The following RNASET2 variants were observed in gnomAD, a reference collection of about 807,000 sequenced individuals.
The protein encoded by RNASET2 is ribonuclease 6.
In RNASET2, 28 loss-of-function variants were observed where a neutral mutation model predicts 33.9. The observed-to-expected ratio is 0.83, with a 90% CI of 0.61 to 1.13. The LOEUF (loss-of-function observed/expected upper bound fraction) is 1.13. Among genes scored for constraint, RNASET2 ranks in the 50% most tolerant of loss-of-function variants. The pLI is 0.00. For synonymous variants in RNASET2, 123 were observed against 121.0 expected (o/e 1.02, Z -0.11); for missense variants, 330 against 319.9 (o/e 1.03, Z -0.24).
chr6:166,949,441 C>A (rs1275030181), intron 2 of RNASET2, among the ~76,000 whole-genome samples: 40 of 130,780 alleles, frequency 3.1e-4, no homozygotes, highest in African/African-American at 1.2e-3. Flanking sequence ...GCAGAGCTTG[C>A]AGTGAGCCGA....
At position 166,933,715 on chromosome 6, in the gene RNASET2, T is replaced by G. The variant is rs536866633; in HGVS notation, c.492+376A>C. The G allele has an allele frequency of 1.6e-5, 4 of 256,286 alleles. No individual in the cohort carries two copies. The South Asian group carries it at 1.7e-4, about 11-fold the overall frequency. 15.9% of individuals were successfully genotyped at this position (256,286 alleles called of 1,614,324 possible). A position where few individuals can be genotyped will look rare whatever the true frequency, so the allele number is the denominator to read the frequency against. On this transcript the variant is annotated intron_variant, in intron 7 of 8. Transcript: ENST00000508775. The surrounding 1 kb of genome is among the most constrained non-coding windows in gnomAD (Gnocchi z 4.1). ...TCTTGTCATGCTTAAATATCTATAGTTTCTTTTATCATAAAACAAATCACA... is the reference window on the plus strand; with the variant it reads ...TCTTGTCATGCTTAAATATCTATAGGTTCTTTTATCATAAAACAAATCACA...
rs1421322324 is a variant in RNASET2 at position 166,927,155 on chromosome 6, G to A, written c.*2433C>T. 6.6e-6 allele frequency among the ~76,000 whole-genome samples: 1 copy of A among 152,182 alleles called. No homozygotes were observed. The highest frequency in any genetic ancestry group is 2.4e-5 in the African/African-American group (1 of 41,424). On this transcript the variant is annotated 3_prime_UTR_variant, in exon 9 of 9. Transcript: ENST00000508775. The stretch of plus-strand genomic sequence containing the variant: ...ATGCACGACCTACTTGTTTAATGAT[G>A]TAAAAACATGTGCTTGGATCTGATC...
chr6:166,955,217 A>ACACACACACG lies in RNASET2; in HGVS notation c.86+879_86+880insCGTGTGTGTG, dbSNP rs1242636792. ...CACACGCACGCACACACGCACGCAC[A>ACACACACACG]CACGCGCACACACGCACGCACGCAC... On this transcript the variant is annotated intron_variant, in intron 1 of 8. Coordinates refer to ENST00000508775, the MANE Select transcript of RNASET2 (RefSeq NM_003730.6). Among the ~76,000 whole-genome samples, 4 of 88,636 alleles carry ACACACACACG rather than the reference A, an allele frequency of 4.5e-5. 1 individual carries two copies. The highest frequency in any genetic ancestry group is 1.9e-4 in the African/African-American group (3 of 15,392). The allele number at this position is 88,636 out of a possible 152,430, so 58.1% of individuals were successfully genotyped here.
In RNASET2 at chr6:166,925,914, G is replaced by A. The variant is rs1778297802; in HGVS notation, c.*3674C>T. On this transcript the variant is annotated 3_prime_UTR_variant, in exon 9 of 9. Coordinates refer to ENST00000508775, the MANE Select transcript of RNASET2 (RefSeq NM_003730.6). ...GGAGGCACTGCCAACAGGGCAGGAG[G>A]GATTGAGGGAATGTCCCTGAGCCGC... is the stretch of plus-strand genomic sequence containing the variant. Among the ~76,000 whole-genome samples, 1 of 152,194 alleles carries A rather than the reference G, an allele frequency of 6.6e-6. No homozygotes were observed. Among genetic ancestry groups the A allele is most frequent in the Non-Finnish European group, 1.5e-5 (1 of 68,044 alleles).
intron 8 of RNASET2, 149 bp downstream of exon 8, chr6:166,930,895 T>TGC: frequency 1.4e-6 from 1 of 714,796 alleles, no homozygotes; most frequent in South Asian, 1.5e-5. Context: ...CACACACACA[T>TGC]GCACACACAC....
rs1382026775 is a variant in RNASET2 at position 166,956,159 on chromosome 6, C to T, written c.24G>A (p.Gly8=). The part of the protein sequence containing the change: MRPAALR[G]ALLGCLCLAL... ...CCAGGCAGAGGCAGCCCAGCAGGGCCCCGCGCAGGGCTGCAGGGCGCATGG... is the reference window on the plus strand; with the variant it reads ...CCAGGCAGAGGCAGCCCAGCAGGGCTCCGCGCAGGGCTGCAGGGCGCATGG... The change falls in exon 1 of 9, where the codon GGG becomes GGA. Residue 8 remains glycine, a synonymous_variant. Transcript: ENST00000508775. The T allele has an allele frequency of 1.9e-5, 29 of 1,550,204 alleles. No individual in the cohort carries two copies. The highest frequency in any genetic ancestry group is 1.5e-4 in the African/African-American group (11 of 73,020).
In RNASET2 at chr6:166,924,447, G is replaced by A. The variant is rs2128642625; in HGVS notation, c.*5141C>T. ...ATTCACTCCATCACTAGAGAACACTGGCTTAGAGCTGATGTGCCTCAGACA... is the reference window on the plus strand; with the variant it reads ...ATTCACTCCATCACTAGAGAACACTAGCTTAGAGCTGATGTGCCTCAGACA... On this transcript the variant is annotated 3_prime_UTR_variant, in exon 9 of 9. Transcript: ENST00000508775. 6.6e-6 allele frequency among the ~76,000 whole-genome samples: 1 copy of A among 152,274 alleles called. No individual in the cohort carries two copies. The highest frequency in any genetic ancestry group is 2.4e-5 in the African/African-American group (1 of 41,548).
intron 4 of RNASET2, 33 bp downstream of exon 4, chr6:166,946,649 C>T: frequency 4.2e-6 from 5 of 1,189,524 alleles, no homozygotes; most frequent in Non-Finnish European, 6.2e-6. Flanking sequence ...TAGGTCAACA[C>T]TCTGCAGTAG....
Position 166,927,230 on chromosome 6 carries a change from C to T in RNASET2, c.*2358G>A, listed in dbSNP as rs1158842565. On this transcript the variant is annotated 3_prime_UTR_variant, in exon 9 of 9. Transcript: ENST00000508775. ...AGTCTTCCCCTTCTGTCTCCTGCGG[C>T]TCATAAGTGCCTTATACTTACATGA... Among the ~76,000 whole-genome samples the T allele has an allele frequency of 6.6e-6, 1 of 152,184 alleles. No homozygotes were observed. Among genetic ancestry groups the T allele is most frequent in the Non-Finnish European group, 1.5e-5 (1 of 68,034 alleles).
At chr6:166,931,317 G>A (rs1243337818) in intron 7 of RNASET2, 199 bp from the exon 8 acceptor site, 2 of 613,514 alleles carry the variant, frequency 3.3e-6, no homozygotes, top group African/African-American at 3.7e-5. Flanking sequence ...TTCATCCCCA[G>A]ACCACAAGCC....
At chr6:166,950,878 T>C (rs895258708) in intron 2 of RNASET2, among the ~76,000 whole-genome samples, 1 of 152,200 alleles carries the variant, frequency 6.6e-6, no homozygotes, top group Non-Finnish European at 1.5e-5. Flanking sequence ...TGGAGGGATG[T>C]AGGGACCAGC....
Position 166,929,749 on chromosome 6 carries a change from T to G in RNASET2, c.610A>C (p.Thr204Pro). The change falls in exon 9 of 9, where the codon ACT becomes CCT. Residue 204 changes from threonine to proline, a missense_variant. By Grantham distance (38) the Thr-to-Pro change is conservative (BLOSUM62 -1). Transcript: ENST00000508775. ...QTIGQIELCL[T>P]KQDQQLQNCT... is the part of the protein sequence containing the mutation. ...TTTTGCAGCTGCTGGTCTTGCTTAGTGAGGCACAGTTCTATCTGACCAATT... is the reference window on the plus strand; with the variant it reads ...TTTTGCAGCTGCTGGTCTTGCTTAGGGAGGCACAGTTCTATCTGACCAATT... The G allele has an allele frequency of 6.2e-7, 1 of 1,614,192 alleles. No homozygotes were observed. The highest frequency in any genetic ancestry group is 8.5e-7 in the Non-Finnish European group (1 of 1,180,030).
At chr6:166,955,903 G>A (rs1450616708) in intron 1 of RNASET2, among the ~76,000 whole-genome samples, 194 bp downstream of exon 1, 1 of 150,434 alleles carries the variant, frequency 6.6e-6, no homozygotes, top group Non-Finnish European at 1.5e-5. Context: ...CCCTCCAGGG[G>A]TCACCCCGAG....
In RNASET2 at chr6:166,923,792, T is replaced by A. The variant is rs1050266248; in HGVS notation, c.*5796A>T. Among the ~76,000 whole-genome samples, 1 of 152,214 alleles carries A rather than the reference T, an allele frequency of 6.6e-6. No homozygotes were observed. Among genetic ancestry groups the A allele is most frequent in the Non-Finnish European group, 1.5e-5 (1 of 68,018 alleles). ...TTTCTATAGACGCCCAAATACTGAC[T>A]TCATATCTGTGATTGTATCCTGGTA... is the stretch of plus-strand genomic sequence containing the variant. On this transcript the variant is annotated 3_prime_UTR_variant, in exon 9 of 9. Coordinates refer to ENST00000508775, the MANE Select transcript of RNASET2 (RefSeq NM_003730.6).
rs1299105524 is a variant in RNASET2, at chr6:166,946,762, G to A, written c.204-23C>T. On this transcript the variant is annotated intron_variant, in intron 3 of 8. Coordinates refer to ENST00000508775, the MANE Select transcript of RNASET2 (RefSeq NM_003730.6). Reference sequence around the variant, plus strand: ...GGCCTGGAAATTCAAATTTAAAAGAGAAAATAAGAAATATTAGGCTTGGTT... The same window carrying A: ...GGCCTGGAAATTCAAATTTAAAAGAAAAAATAAGAAATATTAGGCTTGGTT... 4 of 1,466,190 alleles carry A rather than the reference G, an allele frequency of 2.7e-6. No homozygotes were observed. In the East Asian group the frequency reaches 9.6e-5, roughly 35 times the overall value. 90.8% of individuals were successfully genotyped at this position (1,466,190 alleles called of 1,614,324 possible).
At chr6:166,931,429 C>A in intron 7 of RNASET2, 1 of 440,116 alleles carries the variant, frequency 2.3e-6, no homozygotes, top group Non-Finnish European at 4.2e-6. Flanking sequence ...TCACCTGAAA[C>A]GCCACCTGCC....
In RNASET2 at chr6:166,944,870, C is replaced by T. The variant is rs1449040070; in HGVS notation, c.262-1781G>A. Among the ~76,000 whole-genome samples, 5 of 151,972 alleles carry T rather than the reference C, an allele frequency of 3.3e-5. No individual in the cohort carries two copies. In the East Asian group the frequency reaches 9.7e-4, roughly 29 times the overall value. On this transcript the variant is annotated intron_variant, in intron 4 of 8. Transcript: ENST00000508775. ...AGCACTGTCCCCTCTGCCCACCAGG[C>T]CCACACCTGTCAGCGCTGTCCCCTT...
At chr6:166,937,954 T>C (rs1778607248) in intron 6 of RNASET2, among the ~76,000 whole-genome samples, 1 of 152,194 alleles carries the variant, frequency 6.6e-6, no homozygotes, top group South Asian at 2.1e-4. Flanking sequence ...CAGGAGACCA[T>C]CTGTGTGAGA....
At chr6:166,945,331 A>G (rs1196558364) in intron 4 of RNASET2, 3 of 155,928 alleles carry the variant, frequency 1.9e-5, no homozygotes, top group Non-Finnish European at 2.9e-5. Context: ...AACTCAATGT[A>G]TCCTGAAGTG....
Sources: allele counts gnomAD v4.1 joint callset (sites outside exome capture counted in the v4.1 genomes callset), GRCh38; gene constraint gnomAD v4.1.1; non-coding constraint Gnocchi (gnomAD v3.1); transcripts MANE v1.5; gene names NCBI Gene and HGNC (gene_info 2026-07-23, HGNC 2026-07-21).